Variants in TSPAN7 observed in about 807,000 individuals in gnomAD.
The protein encoded by TSPAN7 is tetraspanin 7, also known as tetraspanin-7.
Under a neutral mutation model 17.6 loss-of-function variants are expected in TSPAN7, and 1 was observed. The observed-to-expected ratio is 0.06, with a 90% CI of 0.02 to 0.27. The LOEUF is 0.27. Ranked by LOEUF, TSPAN7 falls within the 10% of genes least tolerant of loss-of-function variation. TSPAN7 has a pLI of 1.00. For synonymous variants in TSPAN7, 78 were observed against 79.0 expected (o/e 0.99, Z 0.07); for missense variants, 112 against 201.7 (o/e 0.56, Z 2.69).
intron 1 of TSPAN7, 42 bp from the exon 2 acceptor site, chrX:38,666,079 C>G (rs752457391): frequency 1.7e-6 from 2 of 1,194,719 alleles, no homozygotes; most frequent in African/African-American, 1.7e-5. Flanking sequence ...TGATTCTCAC[C>G]TCTCTTGGCA....
At position 38,586,421 on chromosome X, in the gene TSPAN7, T is replaced by A. The variant is rs560532460; in HGVS notation, c.81+24794T>A. On this transcript the variant is annotated intron_variant, in intron 1 of 7. Coordinates refer to ENST00000378482, the MANE Select transcript of TSPAN7 (RefSeq NM_004615.4). ...GAATTATAAAACAATGTATTTCTTT[T>A]AACCTGGTATGTCATATGTTAGGAG... 4.4e-5 allele frequency among the ~76,000 whole-genome samples: 5 copies of A among 112,558 alleles called. No homozygotes were observed. The South Asian group carries it at 1.8e-3, about 41-fold the overall frequency.
chrX:38,676,011 C>A, intron 5 of TSPAN7, 151 bp downstream of exon 5: 1 of 668,072 alleles, frequency 1.5e-6, no homozygotes, highest in Non-Finnish European at 2.3e-6. Context: ...GGGAGAGGCA[C>A]TTGAGGCTGC....
chrX:38,660,806 C>G (rs1422283432), intron 1 of TSPAN7, among the ~76,000 whole-genome samples: 1 of 111,706 alleles, frequency 9.0e-6, no homozygotes, highest in African/African-American at 3.3e-5. Context: ...TAGCTTGTAC[C>G]TCTGTGATTC....
intron 1 of TSPAN7, among the ~76,000 whole-genome samples, chrX:38,595,525 T>C (rs774371432): frequency 2.3e-4 from 26 of 112,233 alleles, no homozygotes; most frequent in Non-Finnish European, 4.1e-4. Flanking sequence ...GATTTAAAAA[T>C]ACAACAAAAA....
At chrX:38,612,975 T>C (rs982547708) in intron 1 of TSPAN7, among the ~76,000 whole-genome samples, 3 of 112,067 alleles carry the variant, frequency 2.7e-5, no homozygotes, top group Non-Finnish European at 5.6e-5. Context: ...TGACATACTA[T>C]GTGCCATTTC....
At chrX:38,566,255 A>G in intron 1 of TSPAN7, 1 of 736,267 alleles carries the variant, frequency 1.4e-6, no homozygotes, top group Non-Finnish European at 1.8e-6. Context: ...TTTTGGTTAA[A>G]TAATATCACC....
At chrX:38,582,093 C>A (rs1015615939) in intron 1 of TSPAN7, among the ~76,000 whole-genome samples, 4 of 112,213 alleles carry the variant, frequency 3.6e-5, no homozygotes, top group Non-Finnish European at 5.6e-5. Context: ...ATAATTTGAC[C>A]AGTCACGTAT....
At chrX:38,585,738 A>ATCC (rs71698303) in intron 1 of TSPAN7, among the ~76,000 whole-genome samples, 5,052 of 111,491 alleles carry the variant, frequency 0.045, 237 homozygotes, top group African/African-American at 0.14. Flanking sequence ...GCTTGGTGCC[A>ATCC]TCCTGGTAAT....
At chrX:38,674,835 G>A (rs748620765) in intron 4 of TSPAN7, among the ~76,000 whole-genome samples, 1 of 111,386 alleles carries the variant, frequency 9.0e-6, no homozygotes, top group South Asian at 3.8e-4. Flanking sequence ...GAGATTTCCT[G>A]TCTGGGTGGC....
chrX:38,652,897 A>G (rs1238649797), intron 1 of TSPAN7, among the ~76,000 whole-genome samples: 1 of 112,627 alleles, frequency 8.9e-6, no homozygotes, highest in African/African-American at 3.2e-5. Context: ...TAGGCAGTAT[A>G]AAGAAAACCA....
intron 1 of TSPAN7, among the ~76,000 whole-genome samples, chrX:38,657,468 TCC>T (rs2069711284): frequency 8.9e-6 from 1 of 111,869 alleles, no homozygotes; most frequent in Non-Finnish European, 1.9e-5. Context: ...GCCAGCCACC[TCC>T]TTGAGCCACC....
At chrX:38,578,080 CAAA>C (rs2069206614) in intron 1 of TSPAN7, among the ~76,000 whole-genome samples, 2 of 110,739 alleles carry the variant, frequency 1.8e-5, no homozygotes, top group Admixed American at 9.6e-5. Flanking sequence ...CTTGGCTAAC[CAAA>C]ATGGGTGATC....
At chrX:38,667,826 G>A (rs1184625163) in intron 2 of TSPAN7, among the ~76,000 whole-genome samples, 1 of 111,680 alleles carries the variant, frequency 9.0e-6, no homozygotes, top group African/African-American at 3.3e-5. Flanking sequence ...TAGTGCCATA[G>A]TCCTCAACTC....
At chrX:38,653,548 T>C (rs1288987075) in intron 1 of TSPAN7, among the ~76,000 whole-genome samples, 3 of 112,359 alleles carry the variant, frequency 2.7e-5, no homozygotes, top group Non-Finnish European at 3.8e-5. Flanking sequence ...CAGTTTTCCA[T>C]GTGTTTGTCA....
chrX:38,629,301 G>A lies in TSPAN7; in HGVS notation c.82-36820G>A, dbSNP rs771103085. On this transcript the variant is annotated intron_variant, in intron 1 of 7. Transcript: ENST00000378482. Reference sequence around the variant, plus strand: ...TACAATGTGGAGAATCTTCCACCACGGTTTGTGTACTTTGTTGTTGTTGTA... The same window carrying A: ...TACAATGTGGAGAATCTTCCACCACAGTTTGTGTACTTTGTTGTTGTTGTA... Among the ~76,000 whole-genome samples, 222 of 111,786 alleles carry A rather than the reference G, an allele frequency of 2.0e-3. 2 individuals are homozygous for A. The highest frequency in any genetic ancestry group is 6.8e-3 in the African/African-American group (209 of 30,707).
chrX:38,628,613 G>A (rs1402179619), intron 1 of TSPAN7, among the ~76,000 whole-genome samples: 1 of 111,596 alleles, frequency 9.0e-6, no homozygotes, highest in Non-Finnish European at 1.9e-5. Flanking sequence ...GTCAATATTG[G>A]AGTTGAATGT....
chrX:38,573,813 T>C (rs1476341040), intron 1 of TSPAN7, among the ~76,000 whole-genome samples: 3 of 111,656 alleles, frequency 2.7e-5, no homozygotes, highest in African/African-American at 9.8e-5. Flanking sequence ...CTGATGTTTT[T>C]TTCATGATTA....
chrX:38,665,228 G>C (rs1272091948), intron 1 of TSPAN7, among the ~76,000 whole-genome samples: 1 of 111,930 alleles, frequency 8.9e-6, no homozygotes, highest in East Asian at 2.8e-4. Context: ...TGGACACCCA[G>C]GTTTCTTTCA....
chrX:38,598,145 C>A (rs1177770537), intron 1 of TSPAN7, among the ~76,000 whole-genome samples: 1 of 111,489 alleles, frequency 9.0e-6, no homozygotes, highest in Non-Finnish European at 1.9e-5. Flanking sequence ...ATGATCCATG[C>A]AGCTGCTTCA....
Sources: allele counts gnomAD v4.1 joint callset (sites outside exome capture counted in the v4.1 genomes callset), GRCh38; gene constraint gnomAD v4.1.1; transcripts MANE v1.5; gene names NCBI Gene and HGNC (gene_info 2026-07-23, HGNC 2026-07-21).